Variants in GRIA2 observed in about 807,000 individuals in gnomAD.
GRIA2 encodes glutamate receptor 2.
GRIA2 carries 14 observed loss-of-function variants against 97.3 expected under a neutral mutation model. The observed-to-expected ratio is 0.14, with a 90% CI of 0.10 to 0.23. GRIA2 has a LOEUF of 0.23. GRIA2 is among the 10% of genes least tolerant of loss of function. The pLI is 1.00. For missense variants in GRIA2, 558 were observed against 1,069.8 expected, an observed-to-expected ratio of 0.52 and a Z score of 6.67; for synonymous variants, 412 against 387.8, an observed-to-expected ratio of 1.06 and a Z score of -0.73.
intron 3 of GRIA2, among the ~76,000 whole-genome samples, chr4:157,310,378 T>A (rs1027555399): frequency 2.6e-5 from 4 of 152,186 alleles, no homozygotes; most frequent in Non-Finnish European, 5.9e-5. Flanking sequence ...TGTGGTTCAA[T>A]CTTCCATTCT....
chr4:157,275,018 C>G (rs1732222744), intron 2 of GRIA2, among the ~76,000 whole-genome samples: 2 of 151,820 alleles, frequency 1.3e-5, no homozygotes, highest in African/African-American at 4.8e-5. Context: ...TCCACATCCT[C>G]TCCAGCGCCT....
chr4:157,265,227 G>A (rs1222435004), intron 2 of GRIA2, among the ~76,000 whole-genome samples: 3 of 152,104 alleles, frequency 2.0e-5, no homozygotes, highest in Admixed American at 6.6e-5. Flanking sequence ...GCAAAACATA[G>A]TTTCTATCTC....
chr4:157,231,824 T>C (rs1352417941), intron 2 of GRIA2, among the ~76,000 whole-genome samples: 1 of 152,156 alleles, frequency 6.6e-6, no homozygotes, highest in Non-Finnish European at 1.5e-5. Flanking sequence ...GTTGAAGATA[T>C]TTTTTAAAAA....
At chr4:157,291,438 T>C (rs1207947277) in intron 2 of GRIA2, among the ~76,000 whole-genome samples, 1 of 151,942 alleles carries the variant, frequency 6.6e-6, no homozygotes, top group Non-Finnish European at 1.5e-5. Flanking sequence ...ATATATTTTC[T>C]CCTATTTTTT....
chr4:157,261,185 G>T (rs1002181233), intron 2 of GRIA2, among the ~76,000 whole-genome samples: 1 of 152,028 alleles, frequency 6.6e-6, no homozygotes, highest in African/African-American at 2.4e-5. Flanking sequence ...CATCTTACAT[G>T]GCGGCAGGCA....
intron 2 of GRIA2, among the ~76,000 whole-genome samples, chr4:157,225,330 A>G (rs950779526): frequency 9.2e-5 from 14 of 151,844 alleles, no homozygotes; most frequent in Non-Finnish European, 1.9e-4. Flanking sequence ...TTTCTCCATC[A>G]TTCCCTTTTT....
intron 2 of GRIA2, among the ~76,000 whole-genome samples, chr4:157,288,617 C>G (rs561960911): frequency 6.7e-4 from 101 of 151,796 alleles, no homozygotes; most frequent in South Asian, 1.9e-3. Context: ...CTTGTGTATA[C>G]TTTATATAAT....
intron 6 of GRIA2, among the ~76,000 whole-genome samples, chr4:157,331,372 T>C (rs1186130221): frequency 6.6e-6 from 1 of 151,984 alleles, no homozygotes; most frequent in Admixed American, 6.6e-5. Flanking sequence ...GTGAGCAAGC[T>C]AAGTCAAAAA....
chr4:157,256,284 TAC>T (rs1299900437), intron 2 of GRIA2, among the ~76,000 whole-genome samples: 42 of 123,584 alleles, frequency 3.4e-4, no homozygotes, highest in Non-Finnish European at 5.3e-4. Flanking sequence ...TGTTATATAT[TAC>T]ATATATTATA....
chr4:157,270,175 AGCTTT>A (rs1731953837), intron 2 of GRIA2, among the ~76,000 whole-genome samples: 1 of 152,050 alleles, frequency 6.6e-6, no homozygotes, highest in Non-Finnish European at 1.5e-5. Context: ...TGAGGGTTGG[AGCTTT>A]ATGTGGCAGA....
At chr4:157,237,580 CA>C (rs1730311251) in intron 2 of GRIA2, among the ~76,000 whole-genome samples, 1 of 152,038 alleles carries the variant, frequency 6.6e-6, no homozygotes, top group Non-Finnish European at 1.5e-5. Context: ...GCACTTGGCC[CA>C]GATTTTTTTC....
intron 12 of GRIA2, among the ~76,000 whole-genome samples, chr4:157,355,824 T>TA (rs1736265196): frequency 2.6e-5 from 2 of 77,608 alleles, no homozygotes; most frequent in African/African-American, 8.4e-5. Context: ...GTTATATATA[T>TA]TTATATATAT....
chr4:157,342,020 A>G lies in GRIA2; in HGVS notation c.2043+558A>G, dbSNP rs528900665. On this transcript the variant is annotated intron_variant, in intron 12 of 15. Coordinates refer to ENST00000264426, the MANE Select transcript of GRIA2 (RefSeq NM_001083619.3). ...ATACTGTGTCTATTAGATGTAGGTT[A>G]CTTTTTTCTTTTAACTTTTGTTCTT... 8 of 385,222 alleles carry G rather than the reference A, an allele frequency of 2.1e-5. No homozygotes were observed. In the South Asian group the frequency reaches 5.4e-4, roughly 26 times the overall value. 23.9% of individuals were successfully genotyped at this position (385,222 alleles called of 1,614,324 possible).
intron 12 of GRIA2, among the ~76,000 whole-genome samples, chr4:157,357,266 T>A (rs1420031598): frequency 6.6e-6 from 1 of 152,190 alleles, no homozygotes; most frequent in Non-Finnish European, 1.5e-5. Context: ...TGTCTTGTCC[T>A]AATGAATCGC....
intron 8 of GRIA2, among the ~76,000 whole-genome samples, 197 bp from the exon 9 acceptor site, chr4:157,333,813 C>A (rs918117682): frequency 3.9e-5 from 6 of 152,000 alleles, no homozygotes; most frequent in Non-Finnish European, 8.8e-5. Context: ...TATGAAGAGA[C>A]AAGTCATTTT....
In GRIA2 at chr4:157,220,993, G is replaced by C. The variant is rs1222651372; in HGVS notation, c.-50G>C. On this transcript the variant is annotated 5_prime_UTR_variant, in exon 1 of 16. Coordinates refer to ENST00000264426, the MANE Select transcript of GRIA2 (RefSeq NM_001083619.3). ...AAAACAGCCAAAGAAGGAAGAGGAG[G>C]AAAAGGAAAAAAAAAGGGGTATATT... The C allele has an allele frequency of 5.5e-6, 5 of 915,382 alleles. No homozygotes were observed. The highest frequency in any genetic ancestry group is 9.1e-6 in the Non-Finnish European group (5 of 546,972). 56.7% of individuals were successfully genotyped at this position (915,382 alleles called of 1,614,324 possible).
At chr4:157,281,175 A>G (rs1277022929) in intron 2 of GRIA2, among the ~76,000 whole-genome samples, 2 of 152,136 alleles carry the variant, frequency 1.3e-5, no homozygotes, top group East Asian at 3.9e-4. Flanking sequence ...CAGGAGGCAC[A>G]TAGAATTCAC....
chr4:157,341,241 A>G, intron 11 of GRIA2, 23 bp from the exon 12 acceptor site: 1 of 1,544,166 alleles, frequency 6.5e-7, no homozygotes, highest in Non-Finnish European at 9.0e-7. Flanking sequence ...CACTTTACAA[A>G]TCCATTTCAT....
intron 2 of GRIA2, among the ~76,000 whole-genome samples, chr4:157,231,188 A>T (rs1016498723): frequency 5.9e-5 from 9 of 151,856 alleles, no homozygotes; most frequent in Non-Finnish European, 1.2e-4. Flanking sequence ...ACAGGTGCAC[A>T]CCGCCACGCC....
Sources: allele counts gnomAD v4.1 joint callset (sites outside exome capture counted in the v4.1 genomes callset), GRCh38; gene constraint gnomAD v4.1.1; transcripts MANE v1.5; gene names NCBI Gene and HGNC (gene_info 2026-07-23, HGNC 2026-07-21).